AGPAT4: variants seen among roughly 807,000 people sequenced by gnomAD.
AGPAT4 encodes the protein 1-acylglycerol-3-phosphate O-acyltransferase 4.
A neutral mutation model predicts 48.0 loss-of-function variants in AGPAT4; 15 were observed. The observed-to-expected ratio is 0.31, with a 90% CI of 0.21 to 0.48. AGPAT4 has a LOEUF of 0.48. Ranked by LOEUF, AGPAT4 falls within the 20% of genes least tolerant of loss-of-function variation. The pLI is 0.99. For missense variants in AGPAT4, 314 were observed against 482.5 expected (o/e 0.65, Z 3.27); for synonymous variants, 178 against 198.7 (o/e 0.90, Z 0.88).
At position 161,259,058 on chromosome 6, in the gene AGPAT4, A is replaced by G. The variant is rs1243075265; in HGVS notation, c.-90+14880T>C. ...AGTGATCCTCCCGCCTCAGCCTCCC[A>G]AAGTGCTGGGATTACAGGTGTGAGC... is the stretch of plus-strand genomic sequence containing the variant. On this transcript the variant is annotated intron_variant, in intron 1 of 8. Coordinates refer to ENST00000320285, the MANE Select transcript of AGPAT4 (RefSeq NM_020133.3). The surrounding 1 kb of genome is among the most constrained non-coding windows in gnomAD (Gnocchi z 4.9). Among the ~76,000 whole-genome samples, 2 of 152,140 alleles carry G rather than the reference A, an allele frequency of 1.3e-5. No homozygotes were observed. The highest frequency in any genetic ancestry group is 4.8e-5 in the African/African-American group (2 of 41,426).
At position 161,262,789 on chromosome 6, in the gene AGPAT4, G is replaced by T. The variant is rs542286455; in HGVS notation, c.-90+11149C>A. On this transcript the variant is annotated intron_variant, in intron 1 of 8. Coordinates refer to ENST00000320285, the MANE Select transcript of AGPAT4 (RefSeq NM_020133.3). The surrounding 1 kb of genome is among the most constrained non-coding windows in gnomAD (Gnocchi z 4.9). ...ACATTTCACACGCCTCTTTTGTTTT[G>T]AGTTCAAAAGATAACTCCAGTGAAA... Among the ~76,000 whole-genome samples, 1 of 152,188 alleles carries T rather than the reference G, an allele frequency of 6.6e-6. No individual in the cohort carries two copies. The highest frequency in any genetic ancestry group is 2.1e-4 in the South Asian group (1 of 4,808).
At chr6:161,271,826 T>C (rs184431304) in intron 1 of AGPAT4, among the ~76,000 whole-genome samples, 7 of 152,332 alleles carry the variant, frequency 4.6e-5, no homozygotes, top group African/African-American at 1.7e-4. Context: ...CAGACTTTGA[T>C]TTACATGCTG....
intron 2 of AGPAT4, among the ~76,000 whole-genome samples, chr6:161,176,748 C>T (rs1248348117): frequency 6.6e-6 from 1 of 151,162 alleles, no homozygotes; most frequent in Non-Finnish European, 1.5e-5. Context: ...ATGGTCTTTA[C>T]AATTTGGCAT....
chr6:161,151,888 G>A (rs1779601624), intron 5 of AGPAT4, among the ~76,000 whole-genome samples: 1 of 152,362 alleles, frequency 6.6e-6, no homozygotes, highest in Non-Finnish European at 1.5e-5. Flanking sequence ...GGTCGGTGTA[G>A]AGGCAGGGAC....
At chr6:161,209,677 G>A (rs538642521) in intron 2 of AGPAT4, among the ~76,000 whole-genome samples, 7 of 152,300 alleles carry the variant, frequency 4.6e-5, no homozygotes, top group African/African-American at 1.7e-4. Flanking sequence ...ATTTTCCCAT[G>A]GAGATATAAG....
Position 161,194,574 on chromosome 6 carries a change from G to A in AGPAT4, c.179-28157C>T, listed in dbSNP as rs535578076. 4.7e-5 allele frequency among the ~76,000 whole-genome samples: 7 copies of A among 147,842 alleles called. 1 individual carries two copies. Among genetic ancestry groups the A allele is most frequent in the African/African-American group, 1.9e-4 (7 of 37,456 alleles). On this transcript the variant is annotated intron_variant, in intron 2 of 8. Transcript: ENST00000320285. The stretch of plus-strand genomic sequence containing the variant: ...TATGTGTGCATGTGTGTATGTGTAT[G>A]TGTGTATATATGTGTATGTATGTAT...
In AGPAT4 at chr6:161,243,745, A is replaced by G. The variant is rs1782567983; in HGVS notation, c.-89-11443T>C. Reference sequence around the variant, plus strand: ...GACCCCTTCTCCCTGGCCCCCAACCATCACCAGCTTTTCTTACTCACTTCT... The same window carrying G: ...GACCCCTTCTCCCTGGCCCCCAACCGTCACCAGCTTTTCTTACTCACTTCT... On this transcript the variant is annotated intron_variant, in intron 1 of 8. Transcript: ENST00000320285. The surrounding 1 kb of genome is among the most constrained non-coding windows in gnomAD (Gnocchi z 4.8). Among the ~76,000 whole-genome samples the G allele has an allele frequency of 6.6e-6, 1 of 152,092 alleles. No homozygotes were observed. Among genetic ancestry groups the G allele is most frequent in the Non-Finnish European group, 1.5e-5 (1 of 68,006 alleles).
chr6:161,156,181 A>G (rs1170150385), intron 3 of AGPAT4, among the ~76,000 whole-genome samples: 6 of 152,194 alleles, frequency 3.9e-5, no homozygotes, highest in Non-Finnish European at 1.5e-5. Context: ...CCCACGGTAG[A>G]CATGTCACGT....
chr6:161,260,951 TGAG>T (rs1354154861), intron 1 of AGPAT4, among the ~76,000 whole-genome samples: 1 of 152,194 alleles, frequency 6.6e-6, no homozygotes, highest in Non-Finnish European at 1.5e-5. Context: ...GGCAGGGCCA[TGAG>T]GAGGTCAGGA....
In AGPAT4 at chr6:161,159,833, C is replaced by CG. The variant is rs1161061707; in HGVS notation, c.349-5524dup. Reference sequence around the variant, plus strand: ...TAATTTTTTGTATTGTTAGTAGAGACGGGGTTTCACCATGTTGGCTAGTCT... The same window carrying CG: ...TAATTTTTTGTATTGTTAGTAGAGACGGGGGTTTCACCATGTTGGCTAGTCT... On this transcript the variant is annotated intron_variant, in intron 3 of 8. Coordinates refer to ENST00000320285, the MANE Select transcript of AGPAT4 (RefSeq NM_020133.3). The surrounding 1 kb of genome is among the most constrained non-coding windows in gnomAD (Gnocchi z 4.1). Among the ~76,000 whole-genome samples the CG allele has an allele frequency of 6.6e-6, 1 of 151,204 alleles. No individual in the cohort carries two copies. The highest frequency in any genetic ancestry group is 1.5e-5 in the Non-Finnish European group (1 of 67,884).
intron 1 of AGPAT4, among the ~76,000 whole-genome samples, chr6:161,265,868 G>A (rs1421179957): frequency 6.6e-6 from 1 of 152,114 alleles, no homozygotes; most frequent in Non-Finnish European, 1.5e-5. Context: ...AATACTTTAC[G>A]GCCACGTGTC....
intron 2 of AGPAT4, among the ~76,000 whole-genome samples, chr6:161,213,718 G>A (rs1781574870): frequency 6.6e-6 from 1 of 152,078 alleles, no homozygotes; most frequent in Non-Finnish European, 1.5e-5. Flanking sequence ...ATTTTTCCAG[G>A]ATTGTTCTTT....
intron 3 of AGPAT4, among the ~76,000 whole-genome samples, chr6:161,162,730 C>T (rs1434420008): frequency 2.6e-5 from 4 of 152,208 alleles, no homozygotes; most frequent in Non-Finnish European, 4.4e-5. Context: ...CCAGTTGGCC[C>T]GGCAGATAAA....
rs2115031822 is a variant in AGPAT4, at chr6:161,226,617, CAG to C, written c.178+5417_178+5418del. 6.6e-6 allele frequency among the ~76,000 whole-genome samples: 1 copy of C among 152,344 alleles called. No homozygotes were observed. Among genetic ancestry groups the C allele is most frequent in the East Asian group, 1.9e-4 (1 of 5,180 alleles). On this transcript the variant is annotated intron_variant, in intron 2 of 8. Coordinates refer to ENST00000320285, the MANE Select transcript of AGPAT4 (RefSeq NM_020133.3). The surrounding 1 kb of genome is among the most constrained non-coding windows in gnomAD (Gnocchi z 6.3). ...CCGCCCTCCATCTTCTCTCACTTCT[CAG>C]AGAGTCAGAAAGGCAGCCAGGCAGG... is the stretch of plus-strand genomic sequence containing the variant.
Position 161,178,409 on chromosome 6 carries a change from G to A in AGPAT4, c.179-11992C>T, listed in dbSNP as rs762202327. Among the ~76,000 whole-genome samples, 33 of 152,196 alleles carry A rather than the reference G, an allele frequency of 2.2e-4. No homozygotes were observed. Among genetic ancestry groups the A allele is most frequent in the Non-Finnish European group, 3.2e-4 (22 of 68,030 alleles). On this transcript the variant is annotated intron_variant, in intron 2 of 8. Transcript: ENST00000320285. The surrounding 1 kb of genome is among the most constrained non-coding windows in gnomAD (Gnocchi z 5.1). ...CTGTGCTAGCAATGAGCAAGGCTCC[G>A]TGGGCGTCGGACCCTCTGAGCCAGA...
chr6:161,166,268 C>T lies in AGPAT4; in HGVS notation c.328G>A (p.Glu110Lys), dbSNP rs1780093858. ...CTTACCCCTAACAGCCCAAAGCGTT[C>T]GGACAGGCTCCAGCCACACAGAAAG... ...IDFLCGWSLSERFGLLGGSKV... is the reference protein window; with the variant it reads ...IDFLCGWSLSKRFGLLGGSKV... The change falls in exon 3 of 9, where the codon GAA (glutamate) becomes AAA (lysine). Residue 110 changes from glutamate to lysine, a missense_variant. Coordinates refer to ENST00000320285, the MANE Select transcript of AGPAT4 (RefSeq NM_020133.3). The surrounding 1 kb of genome is among the most constrained non-coding windows in gnomAD (Gnocchi z 6.7). The T allele has an allele frequency of 1.2e-6, 2 of 1,614,060 alleles. No individual in the cohort carries two copies. The highest frequency in any genetic ancestry group is 1.7e-6 in the Non-Finnish European group (2 of 1,179,986).
intron 3 of AGPAT4, among the ~76,000 whole-genome samples, chr6:161,162,420 T>C (rs1315803645): frequency 6.6e-6 from 1 of 152,184 alleles, no homozygotes; most frequent in Non-Finnish European, 1.5e-5. Flanking sequence ...CTTGCATGGC[T>C]CAACCTCAGG....
intron 1 of AGPAT4, among the ~76,000 whole-genome samples, chr6:161,263,925 T>A (rs557161140): frequency 6.6e-6 from 1 of 152,292 alleles, no homozygotes; most frequent in East Asian, 1.9e-4. Flanking sequence ...AAAATCACAG[T>A]GTGCTCAGGC....
Position 161,197,551 on chromosome 6 carries a change from C to T in AGPAT4, c.179-31134G>A, listed in dbSNP as rs115009269. Among the ~76,000 whole-genome samples, 256 of 152,244 alleles carry T rather than the reference C, an allele frequency of 1.7e-3. 2 individuals carry two copies. The Middle Eastern group carries it at 0.031, about 18-fold the overall frequency. On this transcript the variant is annotated intron_variant, in intron 2 of 8. Transcript: ENST00000320285. The surrounding 1 kb of genome is among the most constrained non-coding windows in gnomAD (Gnocchi z 5.7). ...CTGCCTCAGCCCTCTAGGAATGTAC[C>T]GACTGATGTACGCATTACTCCTGGG... is the stretch of plus-strand genomic sequence containing the variant.
Sources: allele counts gnomAD v4.1 joint callset (sites outside exome capture counted in the v4.1 genomes callset), GRCh38; gene constraint gnomAD v4.1.1; non-coding constraint Gnocchi (gnomAD v3.1); transcripts MANE v1.5; gene names NCBI Gene and HGNC (gene_info 2026-07-23, HGNC 2026-07-21).